MKX: variants seen among roughly 807,000 people sequenced by gnomAD.
MKX encodes the protein homeobox protein Mohawk.
MKX carries 13 observed loss-of-function variants against 36.0 expected under a neutral mutation model. The ratio of observed to expected loss-of-function variants is 0.36; its 90% CI spans 0.24 to 0.57. The LOEUF (loss-of-function observed/expected upper bound fraction) is 0.57, where lower values mean the gene tolerates loss of function less well. MKX is among the 20% of genes least tolerant of loss of function. MKX has a pLI of 0.79. For missense variants in MKX, 458 were observed against 456.4 expected (o/e 1.00, Z -0.03); for synonymous variants, 176 against 178.3 (o/e 0.99, Z 0.10).
In MKX at chr10:27,742,245, G is replaced by A. The variant is rs528636597; in HGVS notation, c.189-741C>T. 6.2e-4 allele frequency among the ~76,000 whole-genome samples: 95 copies of A among 152,290 alleles called. 1 individual carries two copies. The Middle Eastern group carries it at 0.014, about 22-fold the overall frequency. On this transcript the variant is annotated intron_variant, in intron 2 of 6. Transcript: ENST00000419761. The surrounding 1 kb of genome is among the most constrained non-coding windows in gnomAD (Gnocchi z 4.2). ...GGGGAGGAGGCAGAGGCAGCCAGGA[G>A]CCTGGAGCGTGGCCTGGGGCGCTGC...
intron 3 of MKX, among the ~76,000 whole-genome samples, chr10:27,738,153 C>T (rs903205007): frequency 6.6e-5 from 10 of 151,816 alleles, no homozygotes; most frequent in African/African-American, 2.2e-4. Context: ...ATAAATTGAC[C>T]ACCACCCAAT....
At position 27,675,559 on chromosome 10, in the gene MKX, A is replaced by G. The variant is rs372343438; in HGVS notation, c.839-5T>C. On this transcript the variant is annotated splice_region_variant and splice_polypyrimidine_tract_variant and intron_variant, in intron 5 of 6. Transcript: ENST00000419761. ...TGGATCCGTTTTCCAGAGTGTCTGT[A>G]AAGAAAAGCAAAAATTCAATTATTT... 5 of 1,612,838 alleles carry G rather than the reference A, an allele frequency of 3.1e-6. No individual in the cohort carries two copies. In the African/African-American group the frequency reaches 6.7e-5, roughly 22 times the overall value.
chr10:27,685,983 T>C (rs1243424949), intron 5 of MKX, among the ~76,000 whole-genome samples: 1 of 152,132 alleles, frequency 6.6e-6, no homozygotes, highest in African/African-American at 2.4e-5. Flanking sequence ...CAACAACCCA[T>C]AACAGTTATT....
At chr10:27,709,533 A>C (rs1836816683) in intron 5 of MKX, among the ~76,000 whole-genome samples, 1 of 152,170 alleles carries the variant, frequency 6.6e-6, no homozygotes, top group South Asian at 2.1e-4. Flanking sequence ...TTCTGGTAGG[A>C]CTGGTAACAA....
intron 5 of MKX, among the ~76,000 whole-genome samples, chr10:27,729,780 T>C (rs1834583454): frequency 6.6e-6 from 1 of 152,140 alleles, no homozygotes; most frequent in South Asian, 2.1e-4. Flanking sequence ...AGAAAGAAAT[T>C]CCATAGGCTT....
intron 5 of MKX, among the ~76,000 whole-genome samples, chr10:27,720,576 A>G (rs1166830703): frequency 6.6e-6 from 1 of 152,226 alleles, no homozygotes; most frequent in African/African-American, 2.4e-5. Context: ...TGTAAATGCA[A>G]TGACCTATTC....
At chr10:27,676,392 T>TC (rs1310480254) in intron 5 of MKX, among the ~76,000 whole-genome samples, 1 of 149,686 alleles carries the variant, frequency 6.7e-6, no homozygotes, top group African/African-American at 2.5e-5. Context: ...TTTTTTTTTT[T>TC]TTTGAGATGG....
Position 27,743,360 on chromosome 10 carries a change from C to G in MKX, c.56G>C (p.Gly19Ala), listed in dbSNP as rs368891437. Reference protein sequence around the residue: ...LSGAVLFEDGGASERERGGRP... With the variant: ...LSGAVLFEDGAASERERGGRP... ...GCCACCCCGCTCCCGCTCCGAGGCG[C>G]CTCCGTCCTCAAACAGCACCGCACC... The change falls in exon 2 of 7, where the codon GGC (glycine) becomes GCC (alanine). Residue 19 changes from glycine (G) to alanine (A), a missense_variant. By Grantham distance (60) the Gly-to-Ala change is moderately conservative. Around this residue, in one of 3 missense-constraint regions of MKX, gnomAD observed 149 missense variants for 114.3 expected, o/e 1.30. Transcript: ENST00000419761. 6.3e-7 allele frequency: 1 copy of G among 1,578,686 alleles called. No homozygotes were observed. The highest frequency in any genetic ancestry group is 8.6e-7 in the Non-Finnish European group (1 of 1,164,946).
chr10:27,745,160 G>A (rs1835025200), intron 1 of MKX, among the ~76,000 whole-genome samples: 2 of 151,608 alleles, frequency 1.3e-5, no homozygotes, highest in African/African-American at 2.4e-5. Context: ...TCCTAGATGC[G>A]ACGACGTGTT....
intron 4 of MKX, 77 bp from the exon 5 acceptor site, chr10:27,734,868 T>C: frequency 1.3e-6 from 1 of 785,526 alleles, no homozygotes; most frequent in Non-Finnish European, 1.9e-6. Flanking sequence ...ATTTAATCCT[T>C]AAAAATATAT....
chr10:27,732,876 T>G (rs1834663222), intron 5 of MKX, among the ~76,000 whole-genome samples: 1 of 151,902 alleles, frequency 6.6e-6, no homozygotes. Context: ...GCCTCCCAAG[T>G]AGATGGGACT....
rs151282777 is a variant in MKX, at chr10:27,677,442, A to G, written c.839-1888T>C. Among the ~76,000 whole-genome samples the G allele has an allele frequency of 9.9e-3, 1,501 of 152,324 alleles. 14 individuals carry two copies. Among genetic ancestry groups the G allele is most frequent in the Middle Eastern group, 0.027 (8 of 294 alleles). ...AACTAGAAGAGGTCTGAGAAGAATA[A>G]CGTCAACATGATCGTCATATAGTCT... On this transcript the variant is annotated intron_variant, in intron 5 of 6. Transcript: ENST00000419761.
At chr10:27,709,618 G>C (rs1836818219) in intron 5 of MKX, among the ~76,000 whole-genome samples, 1 of 152,234 alleles carries the variant, frequency 6.6e-6, no homozygotes, top group South Asian at 2.1e-4. Flanking sequence ...AGACAGCAGG[G>C]CTTCCTGAAG....
intron 5 of MKX, among the ~76,000 whole-genome samples, chr10:27,723,842 T>G (rs1447552285): frequency 6.6e-6 from 1 of 152,180 alleles, no homozygotes; most frequent in African/African-American, 2.4e-5. Flanking sequence ...GCATTCTTAC[T>G]TGAAATGTCT....
rs1261104869 is a variant in MKX at position 27,741,066 on chromosome 10, T to C, written c.348+279A>G. Among the ~76,000 whole-genome samples, 1 of 152,210 alleles carries C rather than the reference T, an allele frequency of 6.6e-6. No individual in the cohort carries two copies. Among genetic ancestry groups the C allele is most frequent in the East Asian group, 1.9e-4 (1 of 5,196 alleles). The stretch of plus-strand genomic sequence containing the variant: ...GCCTAGCGATTCGTGTTTTAAGCTC[T>C]CCAGGCGATTCTGATGCTCACTAAT... On this transcript the variant is annotated intron_variant, in intron 3 of 6. Coordinates refer to ENST00000419761, the MANE Select transcript of MKX (RefSeq NM_173576.3). This position sits in a 1 kb window ranked among gnomAD's most constrained non-coding sequence, Gnocchi z 5.1.
rs1396410579 is a variant in MKX at position 27,674,618 on chromosome 10, T to G, written c.*611A>C. The G allele has an allele frequency of 6.6e-6, 1 of 152,282 alleles. No homozygotes were observed. Among genetic ancestry groups the G allele is most frequent in the Admixed American group, 6.5e-5 (1 of 15,290 alleles). The allele number at this position is 152,282 out of a possible 1,614,324, so 9.4% of individuals were successfully genotyped here. A position where few individuals can be genotyped will look rare whatever the true frequency, so the allele number is the denominator to read the frequency against. On this transcript the variant is annotated 3_prime_UTR_variant, in exon 7 of 7. Transcript: ENST00000419761. ...GCTTGAAGGAATCACTTCTTAAATG[T>G]ACAACGTTCTGTGGATCGCTGCACC...
intron 5 of MKX, among the ~76,000 whole-genome samples, chr10:27,686,478 A>AGAG (rs1836356476): frequency 6.6e-6 from 1 of 151,422 alleles, no homozygotes; most frequent in African/African-American, 2.4e-5. Flanking sequence ...AGAGAAGAGA[A>AGAG]AAGTCTTTTC....
At chr10:27,709,188 A>ATAAG (rs34606645) in intron 5 of MKX, among the ~76,000 whole-genome samples, 1 of 151,802 alleles carries the variant, frequency 6.6e-6, no homozygotes, top group Non-Finnish European at 1.5e-5. Context: ...AAGTAAATAA[A>ATAAG]TAAACAACAA....
At chr10:27,685,598 G>A (rs576901927) in intron 5 of MKX, among the ~76,000 whole-genome samples, 4 of 152,000 alleles carry the variant, frequency 2.6e-5, no homozygotes, top group African/African-American at 7.2e-5. Context: ...ACAGGCGCCC[G>A]CCACCACGCC....
Sources: gnomAD v4.1 joint callset for allele counts (sites outside exome capture counted in the v4.1 genomes callset) on GRCh38, gnomAD v4.1.1 for gene constraint, gnomAD v4.1.1 regional missense constraint, Gnocchi (gnomAD v3.1) non-coding constraint, MANE v1.5 for transcripts, NCBI Gene and HGNC (gene_info 2026-07-23, HGNC 2026-07-21) for gene names.